The following DCUN1D1 variants were observed in gnomAD, a reference collection of about 807,000 sequenced individuals.
DCUN1D1 encodes defective in cullin neddylation 1 domain containing 1, also known as DCN1-like protein 1.
DCUN1D1 carries 3 observed loss-of-function variants against 39.0 expected under a neutral mutation model. The ratio of observed to expected loss-of-function variants is 0.08; its 90% CI spans 0.04 to 0.20. The LOEUF (loss-of-function observed/expected upper bound fraction) is 0.20, where lower values mean the gene tolerates loss of function less well. Ranked by LOEUF, DCUN1D1 falls within the 10% of genes least tolerant of loss-of-function variation. The pLI is 1.00. For missense variants in DCUN1D1, 158 were observed against 302.4 expected (o/e 0.52, Z 3.54); for synonymous variants, 82 against 96.3 (o/e 0.85, Z 0.87).
intron 1 of DCUN1D1, among the ~76,000 whole-genome samples, chr3:182,975,175 ATTT>A (rs769384130): frequency 5.8e-5 from 8 of 138,594 alleles, no homozygotes; most frequent in Non-Finnish European, 3.1e-5. Context: ...TTAACACAGA[ATTT>A]TTTTTTTTTT....
intron 4 of DCUN1D1, among the ~76,000 whole-genome samples, chr3:182,949,171 G>A (rs772462094): frequency 6.6e-6 from 1 of 151,878 alleles, no homozygotes; most frequent in Non-Finnish European, 1.5e-5. Context: ...AACCAGCCTG[G>A]CCAACATAGC....
intron 3 of DCUN1D1, among the ~76,000 whole-genome samples, chr3:182,962,378 C>T (rs776610778): frequency 1.3e-5 from 2 of 152,196 alleles, no homozygotes; most frequent in African/African-American, 4.8e-5. Flanking sequence ...TTAGGTTCTA[C>T]CAAGAGCCAA....
In DCUN1D1 at chr3:182,953,124, C is replaced by A. The variant is rs116449922; in HGVS notation, c.521-5492G>T. ...GAAATGGCTTCTTTTTTCCTTTGGT[C>A]TTGAAAATGTGCATTCATTCTTCAA... is the stretch of plus-strand genomic sequence containing the variant. On this transcript the variant is annotated intron_variant, in intron 4 of 6. Transcript: ENST00000292782. Among the ~76,000 whole-genome samples the A allele has an allele frequency of 2.8e-3, 432 of 152,304 alleles. 4 individuals are homozygous for A. Among genetic ancestry groups the A allele is most frequent in the African/African-American group, 1.0e-2 (414 of 41,572 alleles).
chr3:182,978,390 A>C (rs565632902), intron 1 of DCUN1D1, among the ~76,000 whole-genome samples: 1 of 151,874 alleles, frequency 6.6e-6, no homozygotes, highest in Admixed American at 6.5e-5. Context: ...TTCCTTTCTT[A>C]TTATTTTTTT....
At position 182,960,001 on chromosome 3, in the gene DCUN1D1, C is replaced by G. The variant is rs9818869; in HGVS notation, c.520+1225G>C. ...TGACCTTGTCTGCCACGTGATGATG[C>G]AGCATAAAAGCCCTCTGCAGAAGCC... On this transcript the variant is annotated intron_variant, in intron 4 of 6. Transcript: ENST00000292782. Among the ~76,000 whole-genome samples the G allele has an allele frequency of 8.1e-3, 1,239 of 152,292 alleles. 16 individuals are homozygous for G. Among genetic ancestry groups the G allele is most frequent in the African/African-American group, 0.029 (1,189 of 41,566 alleles).
chr3:182,964,098 T>C (rs1235229604), intron 2 of DCUN1D1, 49 bp from the exon 3 acceptor site: 5 of 1,494,050 alleles, frequency 3.3e-6, no homozygotes, highest in Non-Finnish European at 3.7e-6. Context: ...TTATGCTACA[T>C]TATGAAAACT....
At chr3:182,957,548 C>G (rs1324446798) in intron 4 of DCUN1D1, among the ~76,000 whole-genome samples, 1 of 151,902 alleles carries the variant, frequency 6.6e-6, no homozygotes, top group Non-Finnish European at 1.5e-5. Context: ...ATCACTTGAG[C>G]CTAGGAGTTT....
intron 1 of DCUN1D1, among the ~76,000 whole-genome samples, chr3:182,973,981 G>A (rs1005352997): frequency 3.3e-5 from 5 of 152,072 alleles, no homozygotes; most frequent in African/African-American, 9.7e-5. Flanking sequence ...GGCCAGCCGC[G>A]CCCGGCCTTT....
At chr3:182,972,072 T>TG (rs973878377) in intron 1 of DCUN1D1, among the ~76,000 whole-genome samples, 4 of 144,102 alleles carry the variant, frequency 2.8e-5, no homozygotes, top group African/African-American at 1.0e-4. Flanking sequence ...TTTTTTTTTT[T>TG]GGTTGGGGGT....
In DCUN1D1 at chr3:182,941,960, CTTGA is replaced by C. The variant is rs1168644373; in HGVS notation, c.*3130_*3133del. 4.6e-5 allele frequency: 7 copies of C among 152,026 alleles called. No individual in the cohort carries two copies. The highest frequency in any genetic ancestry group is 7.2e-5 in the African/African-American group (3 of 41,432). The allele number at this position is 152,026 out of a possible 1,614,324, so 9.4% of individuals were successfully genotyped here. ...TTAAGTTAGCTACTACTACTCACTT[CTTGA>C]TTATCATCAAATAAAAAATAAATGA... On this transcript the variant is annotated 3_prime_UTR_variant, in exon 7 of 7. Transcript: ENST00000292782.
At chr3:182,953,082 T>C (rs1222755068) in intron 4 of DCUN1D1, among the ~76,000 whole-genome samples, 2 of 152,204 alleles carry the variant, frequency 1.3e-5, no homozygotes, top group Admixed American at 6.5e-5. Context: ...CAAGTGAACA[T>C]GCTAACCCCT....
intron 4 of DCUN1D1, among the ~76,000 whole-genome samples, chr3:182,957,610 A>C (rs1297407534): frequency 1.3e-5 from 2 of 152,022 alleles, no homozygotes; most frequent in African/African-American, 4.8e-5. Flanking sequence ...TAGGCAAGAG[A>C]GCCAGATCCT....
Position 182,938,290 on chromosome 3 carries a change from G to C in DCUN1D1, c.*6804C>G, listed in dbSNP as rs1408043747. The C allele has an allele frequency of 6.6e-6, 1 of 151,586 alleles. No homozygotes were observed. The highest frequency in any genetic ancestry group is 2.4e-5 in the African/African-American group (1 of 41,254). 9.4% of individuals were successfully genotyped at this position (151,586 alleles called of 1,614,324 possible). On this transcript the variant is annotated 3_prime_UTR_variant, in exon 7 of 7. Transcript: ENST00000292782. ...TGAAGCCAAAGAGTGGAGAGTGTGG[G>C]GATCCACTGGGTAGGACATTTGAGA...
chr3:182,964,085 A>G, intron 2 of DCUN1D1, 36 bp from the exon 3 acceptor site: 2 of 1,546,588 alleles, frequency 1.3e-6, no homozygotes, highest in Non-Finnish European at 1.8e-6. Context: ...AAGTAGTGTC[A>G]TATTATGCTA....
chr3:182,963,853 TA>T (rs1241789073), intron 3 of DCUN1D1, 27 bp downstream of exon 3: 1 of 1,521,144 alleles, frequency 6.6e-7, no homozygotes, highest in Admixed American at 1.8e-5. Context: ...GTAACATATC[TA>T]ATTTCCTATT....
chr3:182,965,038 T>C (rs1043379967), intron 2 of DCUN1D1, among the ~76,000 whole-genome samples: 3 of 152,140 alleles, frequency 2.0e-5, no homozygotes, highest in Non-Finnish European at 2.9e-5. Flanking sequence ...AAAATAAATA[T>C]CCCATTTTCA....
intron 1 of DCUN1D1, among the ~76,000 whole-genome samples, chr3:182,979,114 A>G (rs948861323): frequency 1.3e-5 from 2 of 152,214 alleles, no homozygotes; most frequent in Admixed American, 1.3e-4. Context: ...AACTGTTTAG[A>G]CTGCCTGGTG....
At chr3:182,978,076 C>T (rs1203683774) in intron 1 of DCUN1D1, among the ~76,000 whole-genome samples, 1 of 150,648 alleles carries the variant, frequency 6.6e-6, no homozygotes, top group Non-Finnish European at 1.5e-5. Flanking sequence ...AAAACAAGTT[C>T]CAAAGTAACA....
chr3:182,968,740 C>T (rs1323850151), intron 1 of DCUN1D1, among the ~76,000 whole-genome samples: 1 of 152,078 alleles, frequency 6.6e-6, no homozygotes, highest in Non-Finnish European at 1.5e-5. Flanking sequence ...GCTGGGATTA[C>T]AGGCACGCAC....
Sources: gnomAD v4.1 joint callset for allele counts (sites outside exome capture counted in the v4.1 genomes callset) on GRCh38, gnomAD v4.1.1 for gene constraint, MANE v1.5 for transcripts, NCBI Gene and HGNC (gene_info 2026-07-23, HGNC 2026-07-21) for gene names.